B3GALT1: variants seen among roughly 807,000 people sequenced by gnomAD.
B3GALT1 encodes UDP-Gal:betaGlcNAc beta 1,3-galactosyltransferase, polypeptide 1.
B3GALT1 carries 10 observed loss-of-function variants against 23.2 expected under a neutral mutation model. The observed-to-expected ratio is 0.43, with a 90% CI of 0.27 to 0.73. The LOEUF is 0.73. Among genes scored for constraint, B3GALT1 ranks in the 30% least tolerant of loss-of-function variants. The pLI is 0.21. For missense variants in B3GALT1, 299 were observed against 405.4 expected, an observed-to-expected ratio of 0.74 and a Z score of 2.25; for synonymous variants, 156 against 141.5, an observed-to-expected ratio of 1.10 and a Z score of -0.73.
chr2:167,341,685 C>T (rs1697149620), intron 1 of B3GALT1, among the ~76,000 whole-genome samples: 1 of 152,094 alleles, frequency 6.6e-6, no homozygotes, highest in Non-Finnish European at 1.5e-5. Flanking sequence ...AAGATTACTG[C>T]TCAGCCTTTT....
At chr2:167,630,988 A>C (rs1231453801) in intron 2 of B3GALT1, among the ~76,000 whole-genome samples, 1 of 135,932 alleles carries the variant, frequency 7.4e-6, no homozygotes, top group Non-Finnish European at 1.6e-5. Context: ...TTTATTTTTC[A>C]GAAGAGGAAC....
At chr2:167,563,013 G>C (rs1336289658) in intron 2 of B3GALT1, among the ~76,000 whole-genome samples, 4 of 152,170 alleles carry the variant, frequency 2.6e-5, no homozygotes, top group South Asian at 4.1e-4. Flanking sequence ...ACCTCTCTCA[G>C]TACAGAACAA....
At chr2:167,686,272 A>G (rs936799382) in intron 3 of B3GALT1, among the ~76,000 whole-genome samples, 9 of 152,222 alleles carry the variant, frequency 5.9e-5, no homozygotes, top group Non-Finnish European at 1.0e-4. Flanking sequence ...ACCCACAGTT[A>G]TATACTAGGT....
intron 3 of B3GALT1, among the ~76,000 whole-genome samples, chr2:167,669,964 C>T (rs1558943891): frequency 6.6e-6 from 1 of 152,232 alleles, no homozygotes; most frequent in East Asian, 1.9e-4. Context: ...TTCAGAACTC[C>T]ACAACAAGCC....
intron 3 of B3GALT1, among the ~76,000 whole-genome samples, chr2:167,806,799 G>A (rs958857368): frequency 6.6e-6 from 1 of 152,134 alleles, no homozygotes; most frequent in African/African-American, 2.4e-5. Flanking sequence ...GTCTCTGCCA[G>A]GCTTTGGTAT....
At chr2:167,834,962 T>C (rs1689427668) in intron 4 of B3GALT1, among the ~76,000 whole-genome samples, 1 of 152,218 alleles carries the variant, frequency 6.6e-6, no homozygotes, top group South Asian at 2.1e-4. Flanking sequence ...GTCTTACATC[T>C]TGTCATTAAT....
At chr2:167,765,285 T>C (rs7563541) in intron 3 of B3GALT1, among the ~76,000 whole-genome samples, 9,624 of 152,130 alleles carry the variant, frequency 0.063, 961 homozygotes, top group African/African-American at 0.2. Flanking sequence ...GTTGCTTCCA[T>C]ACGTGTATAC....
At chr2:167,559,480 A>G (rs1439162769) in intron 2 of B3GALT1, among the ~76,000 whole-genome samples, 2 of 151,160 alleles carry the variant, frequency 1.3e-5, no homozygotes, top group Admixed American at 6.6e-5. Flanking sequence ...AGTTGAGAGA[A>G]GAAGGCTTCA....
chr2:167,606,657 A>G (rs1291289576), intron 2 of B3GALT1, among the ~76,000 whole-genome samples: 1 of 152,122 alleles, frequency 6.6e-6, no homozygotes, highest in Non-Finnish European at 1.5e-5. Flanking sequence ...ATTTGTAAGT[A>G]AAGATTAAAA....
intron 4 of B3GALT1, among the ~76,000 whole-genome samples, chr2:167,842,129 T>C (rs1333197652): frequency 2.6e-5 from 4 of 152,206 alleles, no homozygotes; most frequent in African/African-American, 4.8e-5. Context: ...GGGACCTATT[T>C]TATCATATCT....
At chr2:167,314,812 A>G (rs1696687074) in intron 1 of B3GALT1, among the ~76,000 whole-genome samples, 1 of 152,120 alleles carries the variant, frequency 6.6e-6, no homozygotes, top group African/African-American at 2.4e-5. Flanking sequence ...TTCTTCTCAC[A>G]AATAAAGGTC....
At chr2:167,677,954 A>G (rs1234473491) in intron 3 of B3GALT1, among the ~76,000 whole-genome samples, 1 of 152,172 alleles carries the variant, frequency 6.6e-6, no homozygotes, top group African/African-American at 2.4e-5. Flanking sequence ...CACTATCATG[A>G]TAACAGCATG....
Position 167,774,472 on chromosome 2 carries a change from G to GTTTTTTTTGTTTGTTTTT in B3GALT1, c.-351-44192_-351-44191insGTTTGTTTTTTTTTTTTT, listed in dbSNP as rs1558974686. Among the ~76,000 whole-genome samples, 16 of 111,928 alleles carry GTTTTTTTTGTTTGTTTTT rather than the reference G, an allele frequency of 1.4e-4. 2 individuals are homozygous for GTTTTTTTTGTTTGTTTTT. Among genetic ancestry groups the GTTTTTTTTGTTTGTTTTT allele is most frequent in the South Asian group, 9.1e-4 (3 of 3,302 alleles). The allele number at this position is 111,928 out of a possible 152,430, so 73.4% of individuals were successfully genotyped here. A position where few individuals can be genotyped will look rare whatever the true frequency, so the allele number is the denominator to read the frequency against. On this transcript the variant is annotated intron_variant, in intron 3 of 4. Transcript: ENST00000392690. ...TTCTGTAGTTTTTCTGTGTTTATTG[G>GTTTTTTTTGTTTGTTTTT]TTTTTTTTTTTTGTTTTTTTTTTTG...
At chr2:167,789,800 C>A (rs1305633615) in intron 3 of B3GALT1, among the ~76,000 whole-genome samples, 6 of 152,128 alleles carry the variant, frequency 3.9e-5, no homozygotes, top group African/African-American at 1.4e-4. Context: ...CAGCCCCCAG[C>A]TCCACCATGG....
intron 1 of B3GALT1, among the ~76,000 whole-genome samples, chr2:167,391,946 G>A (rs1330547150): frequency 2.0e-5 from 3 of 152,014 alleles, no homozygotes; most frequent in Non-Finnish European, 4.4e-5. Context: ...AATCTGAATG[G>A]CAAATGTACA....
At chr2:167,341,186 A>G (rs1437016727) in intron 1 of B3GALT1, among the ~76,000 whole-genome samples, 1 of 152,212 alleles carries the variant, frequency 6.6e-6, no homozygotes, top group African/African-American at 2.4e-5. Flanking sequence ...CTATGGAAAC[A>G]AAAGTCCTCA....
intron 2 of B3GALT1, among the ~76,000 whole-genome samples, chr2:167,645,854 A>G (rs1046786059): frequency 6.6e-6 from 1 of 152,032 alleles, no homozygotes; most frequent in Non-Finnish European, 1.5e-5. Flanking sequence ...CACAGGTGTA[A>G]GCCACCACAC....
At chr2:167,699,891 T>C (rs1240083095) in intron 3 of B3GALT1, among the ~76,000 whole-genome samples, 3 of 152,078 alleles carry the variant, frequency 2.0e-5, no homozygotes, top group African/African-American at 7.2e-5. Context: ...TTTTGCATTT[T>C]TAGTGGAGAC....
At chr2:167,609,709 C>T (rs2105430683) in intron 2 of B3GALT1, among the ~76,000 whole-genome samples, 1 of 152,220 alleles carries the variant, frequency 6.6e-6, no homozygotes, top group South Asian at 2.1e-4. Context: ...ACACACTGTT[C>T]TTGAGAGGGT....
Sources: allele counts gnomAD v4.1 joint callset (sites outside exome capture counted in the v4.1 genomes callset), GRCh38; gene constraint gnomAD v4.1.1; transcripts MANE v1.5; gene names NCBI Gene and HGNC (gene_info 2026-07-23, HGNC 2026-07-21).